Variants in NRCAM observed in about 807,000 individuals in gnomAD.
NRCAM encodes neuronal cell adhesion molecule.
Under a neutral mutation model 156.5 loss-of-function variants are expected in NRCAM, and 83 were observed. The observed-to-expected ratio is 0.53, with a 90% CI of 0.44 to 0.64. The LOEUF (loss-of-function observed/expected upper bound fraction) is 0.64, where lower values mean the gene tolerates loss of function less well. NRCAM is among the 30% of genes least tolerant of loss of function. NRCAM has a pLI of 0.00. For synonymous variants in NRCAM, 538 were observed against 563.9 expected, an observed-to-expected ratio of 0.95 and a Z score of 0.65; for missense variants, 1,417 against 1,597.3, an observed-to-expected ratio of 0.89 and a Z score of 1.92.
chr7:108,229,028 T>C (rs556455586), intron 8 of NRCAM, among the ~76,000 whole-genome samples: 1 of 152,196 alleles, frequency 6.6e-6, no homozygotes, highest in Non-Finnish European at 1.5e-5. Context: ...ATTTTCTCTT[T>C]AGTAATGTAT....
intron 1 of NRCAM, among the ~76,000 whole-genome samples, chr7:108,447,528 C>T (rs1309088725): frequency 6.6e-6 from 1 of 151,994 alleles, no homozygotes; most frequent in African/African-American, 2.4e-5. Flanking sequence ...CTCTGTCCTC[C>T]CAAAGTGCTG....
chr7:108,358,723 T>G (rs978698700), intron 2 of NRCAM, among the ~76,000 whole-genome samples: 3 of 152,196 alleles, frequency 2.0e-5, no homozygotes, highest in African/African-American at 7.2e-5. Context: ...CACTCCCTCC[T>G]GTCAAGGGGA....
At position 108,180,356 on chromosome 7, in the gene NRCAM, G is replaced by A. The variant is rs754645709; in HGVS notation, c.2718C>T (p.Phe906=). Residue 906 remains phenylalanine (F), a synonymous_variant, in exon 25 of 33, where the codon TTC becomes TTT. Coordinates refer to ENST00000379028, the MANE Select transcript of NRCAM (RefSeq NM_001037132.4). ...ACATGCCATGAGTCTTGCTGCCTTG[G>A]AAGGTGAGGATCTTTTTCTCAATGT... is the stretch of plus-strand genomic sequence containing the variant. ...RRHIEKKILT[F]QGSKTHGMLP... 8 of 1,614,206 alleles carry A rather than the reference G, an allele frequency of 5.0e-6. No homozygotes were observed. The highest frequency in any genetic ancestry group is 6.8e-6 in the Non-Finnish European group (8 of 1,180,024).
rs532251128 is a variant in NRCAM, at chr7:108,455,339, C to A, written c.-332+904G>T. ...CGGCGCTCGGCGCAGATGGCGCTCG[C>A]TGCGAGATGGATGCTCCAGGGCGGG... is the stretch of plus-strand genomic sequence containing the variant. On this transcript the variant is annotated intron_variant, in intron 1 of 32. Coordinates refer to ENST00000379028, the MANE Select transcript of NRCAM (RefSeq NM_001037132.4). Among the ~76,000 whole-genome samples, 17 of 152,276 alleles carry A rather than the reference C, an allele frequency of 1.1e-4. No individual in the cohort carries two copies. In the South Asian group the frequency reaches 3.3e-3, roughly 30 times the overall value.
At chr7:108,339,645 G>A (rs1171751423) in intron 2 of NRCAM, among the ~76,000 whole-genome samples, 1 of 152,172 alleles carries the variant, frequency 6.6e-6, no homozygotes, top group South Asian at 2.1e-4. Flanking sequence ...GCGCAGGACT[G>A]CTACATTGGT....
chr7:108,430,454 G>T (rs1229946123), intron 1 of NRCAM, among the ~76,000 whole-genome samples: 1 of 152,070 alleles, frequency 6.6e-6, no homozygotes, highest in East Asian at 1.9e-4. Context: ...TTAGATGTAG[G>T]GTATGGAAGA....
chr7:108,363,107 A>T (rs2099570050), intron 2 of NRCAM, among the ~76,000 whole-genome samples: 1 of 152,198 alleles, frequency 6.6e-6, no homozygotes, highest in African/African-American at 2.4e-5. Flanking sequence ...TTTAAGAAAT[A>T]AGAAAAAGTC....
At chr7:108,267,928 G>A (rs1313481712) in intron 3 of NRCAM, among the ~76,000 whole-genome samples, 1 of 152,098 alleles carries the variant, frequency 6.6e-6, no homozygotes, top group Non-Finnish European at 1.5e-5. Context: ...CTGTTTAACT[G>A]GAAATCTATA....
intron 1 of NRCAM, among the ~76,000 whole-genome samples, chr7:108,434,784 C>A (rs911503682): frequency 6.6e-6 from 1 of 152,082 alleles, no homozygotes; most frequent in Non-Finnish European, 1.5e-5. Context: ...AGAAACCAGG[C>A]TAATTTTTTT....
Position 108,176,421 on chromosome 7 carries a change from C to G in NRCAM, c.3151+9G>C. The G allele has an allele frequency of 6.2e-7, 1 of 1,606,696 alleles. No homozygotes were observed. The highest frequency in any genetic ancestry group is 1.8e-4 in the Middle Eastern group (1 of 5,536). On this transcript the variant is annotated intron_variant, in intron 27 of 32. Coordinates refer to ENST00000379028, the MANE Select transcript of NRCAM (RefSeq NM_001037132.4). ...ATAATTATATGGATTTTATACATAC[C>G]CATCTTACCTTCATCCACAGTTGTT...
intron 8 of NRCAM, 67 bp from the exon 9 acceptor site, chr7:108,226,445 A>C (rs2093451049): frequency 1.1e-5 from 12 of 1,117,152 alleles, no homozygotes; most frequent in Non-Finnish European, 1.6e-5. Flanking sequence ...AATTAGCAAG[A>C]TAAATGTACC....
At chr7:108,435,558 G>C (rs909843732) in intron 1 of NRCAM, among the ~76,000 whole-genome samples, 5 of 152,154 alleles carry the variant, frequency 3.3e-5, no homozygotes, top group Admixed American at 1.3e-4. Context: ...GATCTAAGAA[G>C]TTCAACAAAC....
At chr7:108,392,123 C>G (rs979481721) in intron 2 of NRCAM, among the ~76,000 whole-genome samples, 1 of 152,134 alleles carries the variant, frequency 6.6e-6, no homozygotes, top group African/African-American at 2.4e-5. Flanking sequence ...GTTGGCCTGC[C>G]TTGCTATGTT....
chr7:108,171,865 T>C (rs2058557388), intron 28 of NRCAM, among the ~76,000 whole-genome samples: 1 of 152,192 alleles, frequency 6.6e-6, no homozygotes. Flanking sequence ...TCTAGATGTC[T>C]TGTTTTGTTT....
intron 1 of NRCAM, among the ~76,000 whole-genome samples, chr7:108,441,065 C>T (rs1281332435): frequency 2.6e-5 from 4 of 152,130 alleles, no homozygotes; most frequent in Non-Finnish European, 5.9e-5. Context: ...TAAGCCCAAA[C>T]TTAACTGTTA....
At chr7:108,441,358 G>A (rs554417648) in intron 1 of NRCAM, among the ~76,000 whole-genome samples, 1 of 152,298 alleles carries the variant, frequency 6.6e-6, no homozygotes, top group South Asian at 2.1e-4. Flanking sequence ...CACAATATCA[G>A]ATTGCTCAAA....
At position 108,223,856 on chromosome 7, in the gene NRCAM, T is replaced by G. The variant is rs1056979448; in HGVS notation, c.779-20A>C. The G allele has an allele frequency of 1.8e-6, 2 of 1,125,692 alleles. No homozygotes were observed. Among genetic ancestry groups the G allele is most frequent in the African/African-American group, 3.1e-5 (2 of 65,336 alleles). 69.7% of individuals were successfully genotyped at this position (1,125,692 alleles called of 1,614,324 possible). A position where few individuals can be genotyped will look rare whatever the true frequency, so the allele number is the denominator to read the frequency against. ...ATTTAGCTGCAAACAAGAAAATCAG[T>G]ATGCATTACAACTTATAAATATGTA... On this transcript the variant is annotated intron_variant, in intron 10 of 32. Transcript: ENST00000379028.
Position 108,441,937 on chromosome 7 carries a change from G to A in NRCAM, c.-332+14306C>T, listed in dbSNP as rs190221921. On this transcript the variant is annotated intron_variant, in intron 1 of 32. Coordinates refer to ENST00000379028, the MANE Select transcript of NRCAM (RefSeq NM_001037132.4). ...CTAGCTTCTCATATAAAGGGTTTTT[G>A]TGAAGATTAAATGTGATCATTCATT... Among the ~76,000 whole-genome samples, 552 of 152,274 alleles carry A rather than the reference G, an allele frequency of 3.6e-3. 22 individuals carry two copies. The highest frequency in any genetic ancestry group is 0.036 in the Admixed American group (551 of 15,296).
intron 32 of NRCAM, among the ~76,000 whole-genome samples, chr7:108,155,099 TATACACACAC>T (rs1256851019): frequency 1.1e-5 from 1 of 89,960 alleles, no homozygotes; most frequent in Admixed American, 9.8e-5. Context: ...TATATATATA[TATACACACAC>T]ACACACACAC....
Sources: allele counts gnomAD v4.1 joint callset (sites outside exome capture counted in the v4.1 genomes callset), GRCh38; gene constraint gnomAD v4.1.1; transcripts MANE v1.5; gene names NCBI Gene and HGNC (gene_info 2026-07-23, HGNC 2026-07-21).